Variants in IL4I1 observed in about 807,000 individuals in gnomAD.
IL4I1 encodes L-amino-acid oxidase.
IL4I1 carries 24 observed loss-of-function variants against 29.7 expected under a neutral mutation model. The observed-to-expected ratio is 0.81, with a 90% CI of 0.59 to 1.14. The LOEUF is 1.14. Among genes scored for constraint, IL4I1 ranks in the 50% most tolerant of loss-of-function variants. The probability of loss-of-function intolerance (pLI) is 0.00; values close to 1 mark genes in which losing one functional copy is unlikely to be tolerated. For synonymous variants in IL4I1, 371 were observed against 352.5 expected, an observed-to-expected ratio of 1.05 and a Z score of -0.59; for missense variants, 686 against 785.6, an observed-to-expected ratio of 0.87 and a Z score of 1.52.
At chr19:49,900,026 G>A (rs1381093796), upstream of IL4I1, among the ~76,000 whole-genome samples, 2 of 152,008 alleles carry the variant, frequency 1.3e-5, no homozygotes, top group South Asian at 2.1e-4. Context: ...TCATAGCGAC[G>A]GGGCCTTGCT....
chr19:49,908,471 C>T (rs140379555), intron 2 of IL4I1: 74 of 1,614,032 alleles, frequency 4.6e-5, no homozygotes, highest in Non-Finnish European at 5.6e-5. Flanking sequence ...CTGGGCCATG[C>T]GCTTGAGCTG....
At chr19:49,903,782 A>G (rs568395742) in intron 3 of IL4I1, among the ~76,000 whole-genome samples, 6 of 149,758 alleles carry the variant, frequency 4.0e-5, no homozygotes, top group Non-Finnish European at 8.9e-5. Flanking sequence ...ATAAAAAGTC[A>G]TCATTCCCTC....
chr19:49,908,948 G>GTGC lies in IL4I1; in HGVS notation c.-227-4630_-227-4628dup, dbSNP rs4031026. The GTGC allele has an allele frequency of 1.6e-3, 2,596 of 1,607,052 alleles. 29 individuals are homozygous for GTGC. In the African/African-American group the frequency reaches 0.026, roughly 16 times the overall value. Reference sequence around the variant, plus strand: ...TTTTAAATTCAAGGCAAAGCCGGTGGTGCTGCTGCTGCTGGTGGTGGTGGC... The same window carrying GTGC: ...TTTTAAATTCAAGGCAAAGCCGGTGGTGCTGCTGCTGCTGCTGGTGGTGGTGGC... On this transcript the variant is annotated intron_variant, in intron 2 of 9. Coordinates refer to the IL4I1 transcript ENST00000341114.
chr19:49,911,386 G>T (rs778010427), intron 2 of IL4I1: 1 of 152,200 alleles, frequency 6.6e-6, no homozygotes, highest in Non-Finnish European at 1.5e-5. Flanking sequence ...AAAAACAAAA[G>T]AATAATCAAA....
At position 49,895,150 on chromosome 19, in the gene IL4I1, C is replaced by G; in HGVS notation, c.283G>C (p.Gly95Arg). Residue 95 changes from glycine (G) to arginine (R), a missense_variant, in exon 4 of 8, where the codon GGG (glycine) becomes CGG (arginine). By Grantham distance (125) the Gly-to-Arg change is moderately radical. Coordinates refer to ENST00000391826, the MANE Select transcript of IL4I1 (RefSeq NM_152899.2). ...TCCCGGTAGGTGAAGATGCGGCCCC[C>G]GATCCTGTTATCTGCCTCCAGGATG... The part of the protein sequence containing the change: ...VTILEADNRI[G>R]GRIFTYRDQN... 1.2e-6 allele frequency: 2 copies of G among 1,613,858 alleles called. No individual in the cohort carries two copies. The highest frequency in any genetic ancestry group is 1.7e-6 in the Non-Finnish European group (2 of 1,179,844).
intron 2 of IL4I1, among the ~76,000 whole-genome samples, chr19:49,920,035 C>T (rs2075726940): frequency 6.6e-6 from 1 of 152,146 alleles, no homozygotes; most frequent in African/African-American, 2.4e-5. Flanking sequence ...GTGGGCCTCC[C>T]ACCTCAGCCT....
Position 49,891,091 on chromosome 19 carries a change from T to C in IL4I1, c.653A>G (p.Glu218Gly), listed in dbSNP as rs1294057841. 1 of 1,612,396 alleles carries C rather than the reference T, an allele frequency of 6.2e-7. No individual in the cohort carries two copies. Among genetic ancestry groups the C allele is most frequent in the East Asian group, 2.2e-5 (1 of 44,834 alleles). Residue 218 changes from glutamate (E) to glycine (G), a missense_variant, in exon 7 of 8, where the codon GAG becomes GGG. By Grantham distance (98) the Glu-to-Gly change is moderately conservative. Transcript: ENST00000391826. ...RHTLLEYLLG[E>G]GNLSRPAVQL... Reference sequence around the variant, plus strand: ...CACGGCCGGCCGGCTCAGGTTCCCCTCCCCGAGAAGATATTCCTGCAGGTT... The same window carrying C: ...CACGGCCGGCCGGCTCAGGTTCCCCCCCCCGAGAAGATATTCCTGCAGGTT...
At chr19:49,909,650 C>A (rs1245053120) in intron 2 of IL4I1, 1 of 1,614,142 alleles carries the variant, frequency 6.2e-7, no homozygotes. Flanking sequence ...GGAAGGGGTA[C>A]TTGTGGCTGG....
chr19:49,898,299 T>C (rs539307771), upstream of IL4I1, among the ~76,000 whole-genome samples: 14 of 151,646 alleles, frequency 9.2e-5, no homozygotes, highest in Non-Finnish European at 1.9e-4. Context: ...CTAGCCTGGG[T>C]GACAGAGCCA....
upstream of IL4I1, among the ~76,000 whole-genome samples, chr19:49,898,218 G>C (rs2075236358): frequency 6.6e-6 from 1 of 152,332 alleles, no homozygotes; most frequent in African/African-American, 2.4e-5. Flanking sequence ...CTACTCAGGA[G>C]GCTGGGACAG....
At chr19:49,901,709 G>A (rs767726491), upstream of IL4I1, 11 of 1,531,640 alleles carry the variant, frequency 7.2e-6, no homozygotes, top group East Asian at 7.6e-5. Context: ...AGAAGTCATC[G>A]TTGGGCATGT....
chr19:49,890,164 C>T lies in IL4I1; in HGVS notation c.1210G>A (p.Ala404Thr). The T allele has an allele frequency of 6.5e-7, 1 of 1,542,106 alleles. No homozygotes were observed. The highest frequency in any genetic ancestry group is 8.7e-7 in the Non-Finnish European group (1 of 1,143,074). The change falls in exon 8 of 8, where the codon GCG becomes ACG. Residue 404 changes from alanine to threonine, a missense_variant. Coordinates refer to ENST00000391826, the MANE Select transcript of IL4I1 (RefSeq NM_152899.2). ...LLASYTWSDA[A>T]AAFAGLSREE... is the part of the protein sequence containing the mutation. ...CGGCTCAAGCCGGCGAACGCTGCCGCCGCGTCCGACCACGTGTACGAGGCC... is the reference window on the plus strand; with the variant it reads ...CGGCTCAAGCCGGCGAACGCTGCCGTCGCGTCCGACCACGTGTACGAGGCC...
At chr19:49,897,124 C>G (rs529696399), upstream of IL4I1, among the ~76,000 whole-genome samples, 1 of 152,166 alleles carries the variant, frequency 6.6e-6, no homozygotes, top group Non-Finnish European at 1.5e-5. Flanking sequence ...CTCAGGTAAC[C>G]GTGCCAACAA....
intron 2 of IL4I1, among the ~76,000 whole-genome samples, chr19:49,914,686 CT>C (rs2075573045): frequency 6.7e-6 from 1 of 149,426 alleles, no homozygotes; most frequent in Non-Finnish European, 1.5e-5. Flanking sequence ...GCTCTACTAC[CT>C]TACCTCCATC....
chr19:49,898,970 C>A (rs568200370), upstream of IL4I1, among the ~76,000 whole-genome samples: 1 of 152,270 alleles, frequency 6.6e-6, no homozygotes, highest in South Asian at 2.1e-4. Context: ...GACAGGAGGA[C>A]CCTGGGGCAC....
chr19:49,909,216 T>C, intron 2 of IL4I1: 2 of 1,613,998 alleles, frequency 1.2e-6, no homozygotes, highest in African/African-American at 2.7e-5. Flanking sequence ...CCTGCTGTGG[T>C]GGCTGCTGGC....
At position 49,921,686 on chromosome 19, in the gene IL4I1, G is replaced by A. The variant is rs2075768499; in HGVS notation, c.-228+6008C>T. Among the ~76,000 whole-genome samples, 1 of 152,328 alleles carries A rather than the reference G, an allele frequency of 6.6e-6. No homozygotes were observed. Among genetic ancestry groups the A allele is most frequent in the South Asian group, 2.1e-4 (1 of 4,826 alleles). On this transcript the variant is annotated intron_variant, in intron 2 of 9. Coordinates refer to the IL4I1 transcript ENST00000341114. This position sits in a 1 kb window ranked among gnomAD's most constrained non-coding sequence, Gnocchi z 5.4. ...CATGGGGGGTACCCCTCTGCCCATT[G>A]AGGGGGCACCTAGGGAGCCTAGGGG...
At chr19:49,927,472 G>A (rs1202386009) in intron 2 of IL4I1, among the ~76,000 whole-genome samples, 5 of 152,228 alleles carry the variant, frequency 3.3e-5, no homozygotes, top group East Asian at 1.9e-4. Context: ...GTTCTAGGCC[G>A]CATGCAGGCC....
At chr19:49,892,359 G>T (rs746702679) in intron 5 of IL4I1, among the ~76,000 whole-genome samples, 4 of 152,130 alleles carry the variant, frequency 2.6e-5, no homozygotes, top group Non-Finnish European at 5.9e-5. Context: ...TGGGATTACA[G>T]GCGTGAGCCA....
Sources: allele counts gnomAD v4.1 joint callset (sites outside exome capture counted in the v4.1 genomes callset), GRCh38; gene constraint gnomAD v4.1.1; non-coding constraint Gnocchi (gnomAD v3.1); transcripts MANE v1.5; gene names NCBI Gene and HGNC (gene_info 2026-07-23, HGNC 2026-07-21).